Variants in TRIM56 observed in about 807,000 individuals in gnomAD.
TRIM56 encodes the protein tripartite motif containing 56.
In TRIM56, 10 loss-of-function variants were observed where a neutral mutation model predicts 17.1. The ratio of observed to expected loss-of-function variants is 0.58; its 90% CI spans 0.36 to 0.99. The LOEUF (loss-of-function observed/expected upper bound fraction) is 0.99. Ranked by LOEUF, TRIM56 falls within the 50% of genes least tolerant of loss-of-function variation. The pLI is 0.01. For synonymous variants in TRIM56, 503 were observed against 473.5 expected (o/e 1.06, Z -0.81); for missense variants, 923 against 1,052.3 (o/e 0.88, Z 1.70).
Position 101,087,510 on chromosome 7 carries a change from GC to G in TRIM56, c.201del (p.Glu68ArgfsTer19). On this transcript the variant is annotated frameshift_variant, in exon 3 of 3. Transcript: ENST00000306085. LOFTEE classifies it low-confidence loss of function (END_TRUNC). ...PECRETVPVP[P>X]EGVASFKTNF... ...AGTGCCGCGAGACAGTGCCTGTGCC[GC>G]CCGAGGGTGTGGCCTCCTTCAAGAC... 1 of 1,613,354 alleles carries G rather than the reference GC, an allele frequency of 6.2e-7. No homozygotes were observed.
chr7:101,085,608 C>G (rs1182283371), intron 1 of TRIM56, 37 bp downstream of exon 1: 2 of 149,942 alleles, frequency 1.3e-5, no homozygotes, highest in African/African-American at 4.9e-5. Context: ...TAGGAAGGAC[C>G]GAGCGGAGGG....
Position 101,092,057 on chromosome 7 carries a change from C to T in TRIM56, c.*2477C>T, listed in dbSNP as rs566862237. On this transcript the variant is annotated 3_prime_UTR_variant, in exon 3 of 3. Coordinates refer to ENST00000306085, the MANE Select transcript of TRIM56 (RefSeq NM_030961.3). Reference sequence around the variant, plus strand: ...CGCCAGCCTCGGCCTCCGGAGGTGCCGGGATTGCAGACGGAGTCTCGTTCA... The same window carrying T: ...CGCCAGCCTCGGCCTCCGGAGGTGCTGGGATTGCAGACGGAGTCTCGTTCA... 7.5e-5 allele frequency: 22 copies of T among 292,108 alleles called. No homozygotes were observed. Among genetic ancestry groups the T allele is most frequent in the Non-Finnish European group, 1.4e-4 (21 of 152,472 alleles). The allele number at this position is 292,108 out of a possible 1,614,324, so 18.1% of individuals were successfully genotyped here.
At position 101,088,112 on chromosome 7, in the gene TRIM56, T is replaced by C; in HGVS notation, c.800T>C (p.Leu267Pro). ...EAAEGVLRAL[L>P]AQKQEVLGQL... is the part of the protein sequence containing the mutation. ...GCTGAGGGCGTCCTCCGGGCCCTGC[T>C]GGCCCAGAAGCAGGAGGTGCTGGGG... The change falls in exon 3 of 3, where the codon CTG (leucine) becomes CCG (proline). Residue 267 changes from leucine (L) to proline (P), a missense_variant. Leu to Pro is a moderately conservative substitution (Grantham distance 98). Coordinates refer to ENST00000306085, the MANE Select transcript of TRIM56 (RefSeq NM_030961.3). The C allele has an allele frequency of 1.3e-6, 2 of 1,503,486 alleles. No individual in the cohort carries two copies. The highest frequency in any genetic ancestry group is 1.8e-6 in the Non-Finnish European group (2 of 1,126,070). 93.1% of individuals were successfully genotyped at this position (1,503,486 alleles called of 1,614,324 possible). A position where few individuals can be genotyped will look rare whatever the true frequency, so the allele number is the denominator to read the frequency against.
chr7:101,089,425 C>T lies in TRIM56; in HGVS notation c.2113C>T (p.Leu705=). The T allele has an allele frequency of 6.2e-7, 1 of 1,614,140 alleles. No individual in the cohort carries two copies. Among genetic ancestry groups the T allele is most frequent in the Non-Finnish European group, 8.5e-7 (1 of 1,179,960 alleles). Residue 705 remains leucine, a synonymous_variant, in exon 3 of 3, where the codon CTG becomes TTG. Coordinates refer to ENST00000306085, the MANE Select transcript of TRIM56 (RefSeq NM_030961.3). ...TCGAGAAGTCAACAAGGTGGTGATC[C>T]TGGACCCGAAGGGGTCCCTCCTTGG... ...TLREVNKVVI[L]DPKGSLLGDF...
Position 101,088,659 on chromosome 7 carries a change from C to G in TRIM56, c.1347C>G (p.Pro449=), listed in dbSNP as rs754501748. The G allele has an allele frequency of 6.2e-7, 1 of 1,614,046 alleles. No individual in the cohort carries two copies. Among genetic ancestry groups the G allele is most frequent in the South Asian group, 1.1e-5 (1 of 91,080 alleles). ...AGACACCCCACGAGGATGGAGGACC[C>G]CAGCCCCACAGGGGTGGCAGACCCA... ...RAQTPHEDGG[P]QPHRGGRPNK... Residue 449 remains proline (P), a synonymous_variant, in exon 3 of 3, where the codon CCC becomes CCG. Transcript: ENST00000306085.
chr7:101,085,764 C>CG (rs1795432587), intron 1 of TRIM56, among the ~76,000 whole-genome samples, 193 bp downstream of exon 1: 1 of 152,012 alleles, frequency 6.6e-6, no homozygotes, highest in South Asian at 2.1e-4. Context: ...CACAGGTCCC[C>CG]GCAAGAAAGA....
At position 101,088,975 on chromosome 7, in the gene TRIM56, G is replaced by A. The variant is rs772926404; in HGVS notation, c.1663G>A (p.Val555Met). 6.2e-5 allele frequency: 100 copies of A among 1,611,802 alleles called. No individual in the cohort carries two copies. The highest frequency in any genetic ancestry group is 8.1e-5 in the Non-Finnish European group (95 of 1,180,000). Reference protein sequence around the residue: ...PVPEGCSPCSVAALQSAVAFS... With the variant: ...PVPEGCSPCSMAALQSAVAFS... ...CCCTGAGGGCTGCTCCCCTTGCAGC[G>A]TGGCCGCCCTGCAGAGCGCGGTGGC... Residue 555 changes from valine to methionine, a missense_variant, in exon 3 of 3, where the codon GTG (valine) becomes ATG (methionine). Coordinates refer to ENST00000306085, the MANE Select transcript of TRIM56 (RefSeq NM_030961.3).
intron 1 of TRIM56, chr7:101,086,644 G>GTT (rs1795453894): frequency 6.6e-6 from 1 of 152,414 alleles, no homozygotes; most frequent in Non-Finnish European, 1.5e-5. Flanking sequence ...GAGTCTAGGA[G>GTT]TTTGAGGCTG....
rs1795466410 is a variant in TRIM56 at position 101,087,372 on chromosome 7, C to T, written c.60C>T (p.Ala20=). The change falls in exon 3 of 3, where the codon GCC becomes GCT. Residue 20 remains alanine, a synonymous_variant. Coordinates refer to ENST00000306085, the MANE Select transcript of TRIM56 (RefSeq NM_030961.3). ...LLEALSSDFL[A]CKICLEQLRA... ...AGGCCCTGAGCAGCGACTTCCTGGCCTGTAAAATCTGCCTGGAGCAGCTGC... is the reference window on the plus strand; with the variant it reads ...AGGCCCTGAGCAGCGACTTCCTGGCTTGTAAAATCTGCCTGGAGCAGCTGC... 1 of 1,612,950 alleles carries T rather than the reference C, an allele frequency of 6.2e-7. No individual in the cohort carries two copies. The highest frequency in any genetic ancestry group is 8.5e-7 in the Non-Finnish European group (1 of 1,180,022).
Position 101,092,761 on chromosome 7 carries a change from G to A in TRIM56, c.*3181G>A. 1 of 158,500 alleles carries A rather than the reference G, an allele frequency of 6.3e-6. No homozygotes were observed. Among genetic ancestry groups the A allele is most frequent in the South Asian group, 1.9e-4 (1 of 5,220 alleles). 9.8% of individuals were successfully genotyped at this position (158,500 alleles called of 1,614,324 possible). A position where few individuals can be genotyped will look rare whatever the true frequency, so the allele number is the denominator to read the frequency against. Reference sequence around the variant, plus strand: ...GCCGCTGTCCCGTCCGGGAGGTGGGGGGTCGCCTCTGCCCGGCCGCCCCGT... The same window carrying A: ...GCCGCTGTCCCGTCCGGGAGGTGGGAGGTCGCCTCTGCCCGGCCGCCCCGT... On this transcript the variant is annotated 3_prime_UTR_variant, in exon 3 of 3. Coordinates refer to ENST00000306085, the MANE Select transcript of TRIM56 (RefSeq NM_030961.3).
At position 101,090,903 on chromosome 7, in the gene TRIM56, GAT is replaced by G. The variant is rs1457536850; in HGVS notation, c.*1326_*1327del. ...CATTTTCCAGCAAAATTCCTTTTGA[GAT>G]ATGTTGGCCTTCACTCGGCTGAACT... On this transcript the variant is annotated 3_prime_UTR_variant, in exon 3 of 3. Transcript: ENST00000306085. 6.6e-6 allele frequency: 1 copy of G among 152,124 alleles called. No individual in the cohort carries two copies. The highest frequency in any genetic ancestry group is 1.5e-5 in the Non-Finnish European group (1 of 68,038). The allele number at this position is 152,124 out of a possible 1,614,324, so 9.4% of individuals were successfully genotyped here.
At position 101,091,998 on chromosome 7, in the gene TRIM56, C is replaced by T. The variant is rs542780844; in HGVS notation, c.*2418C>T. On this transcript the variant is annotated 3_prime_UTR_variant, in exon 3 of 3. Transcript: ENST00000306085. Reference sequence around the variant, plus strand: ...GGAGACGGGGTTTCACTGTGTTGGCCGGGCTGGTCTCCAGCTCCTAACCGC... The same window carrying T: ...GGAGACGGGGTTTCACTGTGTTGGCTGGGCTGGTCTCCAGCTCCTAACCGC... 3.0e-5 allele frequency: 9 copies of T among 304,254 alleles called. No homozygotes were observed. Among genetic ancestry groups the T allele is most frequent in the South Asian group, 9.7e-5 (4 of 41,196 alleles). 18.8% of individuals were successfully genotyped at this position (304,254 alleles called of 1,614,324 possible). A position where few individuals can be genotyped will look rare whatever the true frequency, so the allele number is the denominator to read the frequency against.
chr7:101,087,096 A>G lies in TRIM56; in HGVS notation c.-74A>G. 1.8e-6 allele frequency: 1 copy of G among 570,114 alleles called. No homozygotes were observed. Among genetic ancestry groups the G allele is most frequent in the Non-Finnish European group, 3.1e-6 (1 of 321,866 alleles). The allele number at this position is 570,114 out of a possible 1,614,324, so 35.3% of individuals were successfully genotyped here. ...GTGGAGGAGGAGGAGGAGAAGGAGGAGGGCAGCTCCTTAGCTCAAGAGCAA... is the reference window on the plus strand; with the variant it reads ...GTGGAGGAGGAGGAGGAGAAGGAGGGGGGCAGCTCCTTAGCTCAAGAGCAA... On this transcript the variant is annotated 5_prime_UTR_variant, in exon 2 of 3. Transcript: ENST00000306085.
chr7:101,087,276 C>G (rs762966960), intron 2 of TRIM56, 36 bp from the exon 3 acceptor site: 44 of 1,565,222 alleles, frequency 2.8e-5, no homozygotes, highest in Admixed American at 3.5e-5. Flanking sequence ...GGTGAAGGTG[C>G]CTTCTCAACT....
rs1350172755 is a variant in TRIM56 at position 101,089,218 on chromosome 7, G to T, written c.1906G>T (p.Ala636Ser). Residue 636 changes from alanine to serine, a missense_variant, in exon 3 of 3, where the codon GCG (alanine) becomes TCG (serine). Around this residue, in one of 3 missense-constraint regions of TRIM56, gnomAD observed 182 missense variants for 243.1 expected, o/e 0.75. Transcript: ENST00000306085. ...AGGCAAGGCCAGCCGGGGCCTGCGG[G>T]CGCTGGTGTTTCTGACCACCAGCCC... ...PGGKASRGLR[A>S]LVFLTTSPQG... 6.2e-7 allele frequency: 1 copy of T among 1,613,506 alleles called. No individual in the cohort carries two copies. Among genetic ancestry groups the T allele is most frequent in the Admixed American group, 1.7e-5 (1 of 59,980 alleles).
Position 101,092,640 on chromosome 7 carries a change from C to G in TRIM56, c.*3060C>G, listed in dbSNP as rs986616366. ...GAGGGAGGTGGGGGGTCAGCCCCCGCCCGGCCAGCCGCGCCTTCCGGGAGG... is the reference window on the plus strand; with the variant it reads ...GAGGGAGGTGGGGGGTCAGCCCCCGGCCGGCCAGCCGCGCCTTCCGGGAGG... On this transcript the variant is annotated 3_prime_UTR_variant, in exon 3 of 3. Transcript: ENST00000306085. 2.1e-5 allele frequency: 3 copies of G among 144,400 alleles called. No homozygotes were observed. Among genetic ancestry groups the G allele is most frequent in the African/African-American group, 8.5e-5 (3 of 35,110 alleles). 8.9% of individuals were successfully genotyped at this position (144,400 alleles called of 1,614,324 possible).
intron 1 of TRIM56, among the ~76,000 whole-genome samples, chr7:101,086,327 G>A (rs566387245): frequency 3.9e-5 from 6 of 151,932 alleles, no homozygotes; most frequent in South Asian, 2.1e-4. Flanking sequence ...TTGGGAGACC[G>A]AGGAGGGCGG....
At chr7:101,086,597 T>A (rs970945964) in intron 1 of TRIM56, among the ~76,000 whole-genome samples, 1 of 144,840 alleles carries the variant, frequency 6.9e-6, no homozygotes, top group Non-Finnish European at 1.5e-5. Flanking sequence ...CTGGGCATGG[T>A]GGCACATGCC....
rs1408119383 is a variant in TRIM56 at position 101,088,153 on chromosome 7, G to A, written c.841G>A (p.Val281Met). The stretch of plus-strand genomic sequence containing the variant: ...GGTGCTGGGGCAGCTACGAGCCCAC[G>A]TGGAGGCTGCCGAAGAAGCTGCTCG... ...QEVLGQLRAH[V>M]EAAEEAARER... The change falls in exon 3 of 3, where the codon GTG (valine) becomes ATG (methionine). Residue 281 changes from valine (V) to methionine (M), a missense_variant. This residue lies in a region of TRIM56 where 643 missense variants were observed against 665.6 expected (regional missense o/e 0.97). Transcript: ENST00000306085. 9 of 1,501,076 alleles carry A rather than the reference G, an allele frequency of 6.0e-6. No homozygotes were observed. Among genetic ancestry groups the A allele is most frequent in the South Asian group, 3.8e-5 (3 of 79,108 alleles). The allele number at this position is 1,501,076 out of a possible 1,614,324, so 93.0% of individuals were successfully genotyped here. A position where few individuals can be genotyped will look rare whatever the true frequency, so the allele number is the denominator to read the frequency against.
Sources: gnomAD v4.1 joint callset for allele counts (sites outside exome capture counted in the v4.1 genomes callset) on GRCh38, gnomAD v4.1.1 for gene constraint, gnomAD v4.1.1 regional missense constraint, MANE v1.5 for transcripts, NCBI Gene and HGNC (gene_info 2026-07-23, HGNC 2026-07-21) for gene names.